Variants in CAMKK2 observed in about 807,000 individuals in gnomAD.
The protein encoded by CAMKK2 is calcium/calmodulin-dependent protein kinase kinase 2.
CAMKK2 carries 30 observed loss-of-function variants against 67.2 expected under a neutral mutation model. That is an observed-to-expected ratio of 0.45 (90% confidence interval 0.33 to 0.61). CAMKK2 has a LOEUF of 0.61. Ranked by LOEUF, CAMKK2 falls within the 20% of genes least tolerant of loss-of-function variation. CAMKK2 has a pLI of 0.02. For synonymous variants in CAMKK2, 322 were observed against 326.2 expected (o/e 0.99, Z 0.14); for missense variants, 643 against 802.0 (o/e 0.80, Z 2.39).
At chr12:121,297,472 A>T (rs1901499821), upstream of CAMKK2, 2 of 401,294 alleles carry the variant, frequency 5.0e-6, no homozygotes, top group African/African-American at 4.1e-5. Flanking sequence ...GCTTTTCCAG[A>T]TGGCTACTTA....
chr12:121,291,806 C>T (rs1764715521), intron 1 of CAMKK2, among the ~76,000 whole-genome samples: 1 of 152,132 alleles, frequency 6.6e-6, no homozygotes, highest in African/African-American at 2.4e-5. Flanking sequence ...GCCTGTAATC[C>T]CAGCACTTTG....
intron 1 of CAMKK2, among the ~76,000 whole-genome samples, chr12:121,289,804 A>C (rs371270838): frequency 2.0e-5 from 3 of 152,106 alleles, no homozygotes. Context: ...GAGGCACGAC[A>C]ATCGCCTGAA....
At chr12:121,264,043 C>A in intron 5 of CAMKK2, 104 bp from the exon 6 acceptor site, 3 of 1,176,748 alleles carry the variant, frequency 2.5e-6, no homozygotes, top group Non-Finnish European at 3.5e-6. Flanking sequence ...AAAAGCCACT[C>A]TGCAGGGCTG....
At chr12:121,244,713 A>C in intron 15 of CAMKK2, 98 bp from the exon 16 acceptor site, 3 of 966,916 alleles carry the variant, frequency 3.1e-6, no homozygotes, top group Non-Finnish European at 4.7e-6. Flanking sequence ...GACCCCAAAC[A>C]CCAGCTTCAT....
At chr12:121,290,252 T>C (rs1899730860) in intron 1 of CAMKK2, among the ~76,000 whole-genome samples, 1 of 152,222 alleles carries the variant, frequency 6.6e-6, no homozygotes, top group Non-Finnish European at 1.5e-5. Context: ...CTGGCAAAGC[T>C]ATCAGGACAG....
intron 1 of CAMKK2, among the ~76,000 whole-genome samples, chr12:121,289,765 T>C (rs1412115012): frequency 6.6e-6 from 1 of 152,018 alleles, no homozygotes; most frequent in Non-Finnish European, 1.5e-5. Context: ...TGATGGGACG[T>C]GCCTGTAATT....
Position 121,255,789 on chromosome 12 carries a change from T to C in CAMKK2, c.812A>G (p.Asn271Ser), listed in dbSNP as rs759727042. The C allele has an allele frequency of 6.8e-6, 11 of 1,613,990 alleles. No individual in the cohort carries two copies. The Admixed American group carries it at 8.3e-5, about 12-fold the overall frequency. ...DHLYMVFELV[N>S]QGPVMEVPTL... ...TGGGAGCTGGGACACTCACCCTTGG[T>C]TGACCAGTTCGAACACTGTAGGGAA... Residue 271 changes from asparagine to serine, a missense_variant, in exon 8 of 17, where the codon AAC (asparagine) becomes AGC (serine). Asn to Ser is a conservative substitution (Grantham distance 46, BLOSUM62 1). This residue lies in a region of CAMKK2 where 483 missense variants were observed against 625.8 expected (regional missense o/e 0.77). Transcript: ENST00000404169.
Position 121,240,984 on chromosome 12 carries a change from G to C in CAMKK2, c.1597-115C>G. The C allele has an allele frequency of 2.0e-6, 2 of 987,122 alleles. No homozygotes were observed. Among genetic ancestry groups the C allele is most frequent in the African/African-American group, 1.6e-5 (1 of 62,048 alleles). The allele number at this position is 987,122 out of a possible 1,614,324, so 61.1% of individuals were successfully genotyped here. On this transcript the variant is annotated intron_variant, in intron 16 of 16. Coordinates refer to ENST00000404169, the MANE Select transcript of CAMKK2 (RefSeq NM_001270485.2). This position sits in a 1 kb window ranked among gnomAD's most constrained non-coding sequence, Gnocchi z 4.4. The stretch of plus-strand genomic sequence containing the variant: ...CAAGTGGGCCGTCGCGCACCCCCTG[G>C]AACGTGATCTACGTAACCCAGTCTT...
rs760605898 is a variant in CAMKK2, at chr12:121,253,381, C to T, written c.999G>A (p.Val333=). The T allele has an allele frequency of 2.5e-6, 4 of 1,614,142 alleles. No individual in the cohort carries two copies. The highest frequency in any genetic ancestry group is 3.4e-6 in the Non-Finnish European group (4 of 1,180,020). ...CGTCACTGCCCTTGAATTCATTGCT[C>T]ACACCAAAGTCAGCGATCTTGATGT... ...DGHIKIADFG[V]SNEFKGSDAL... Residue 333 remains valine (V), a synonymous_variant, in exon 10 of 17, where the codon GTG becomes GTA. Transcript: ENST00000404169. This position sits in a 1 kb window ranked among gnomAD's most constrained non-coding sequence, Gnocchi z 5.0.
chr12:121,284,650 A>C (rs2136565680), intron 1 of CAMKK2, among the ~76,000 whole-genome samples: 1 of 152,296 alleles, frequency 6.6e-6, no homozygotes, highest in South Asian at 2.1e-4. Flanking sequence ...GGAAGGGGCC[A>C]ACAATTACAG....
At chr12:121,263,684 C>T in intron 6 of CAMKK2, 122 bp downstream of exon 6, 1 of 759,678 alleles carries the variant, frequency 1.3e-6, no homozygotes. Context: ...GCAGTAAATA[C>T]AACTCAGCCC....
At chr12:121,283,893 T>G (rs1898236380) in intron 1 of CAMKK2, among the ~76,000 whole-genome samples, 1 of 152,212 alleles carries the variant, frequency 6.6e-6, no homozygotes. Context: ...CAGATAAAAG[T>G]GCAAATTTAC....
chr12:121,296,724 T>C (rs1255862864), upstream of CAMKK2: 1 of 144,954 alleles, frequency 6.9e-6, no homozygotes, highest in East Asian at 2.0e-4. This position sits in a 1 kb window ranked among gnomAD's most constrained non-coding sequence, Gnocchi z 7.1. Flanking sequence ...GGCCGCGCGC[T>C]CCTCTCCTCC....
chr12:121,249,945 G>A lies in CAMKK2; in HGVS notation c.1235+16C>T, dbSNP rs200255629. 2.2e-5 allele frequency: 35 copies of A among 1,613,536 alleles called. No homozygotes were observed. In the African/African-American group the frequency reaches 2.3e-4, roughly 10 times the overall value. ...AACTCGGACAGGAGAGATGCGGGAC[G>A]GCGGGAGATACTCACTGGTCTGGAA... is the stretch of plus-strand genomic sequence containing the variant. On this transcript the variant is annotated intron_variant, in intron 12 of 16. Coordinates refer to ENST00000404169, the MANE Select transcript of CAMKK2 (RefSeq NM_001270485.2).
Position 121,245,180 on chromosome 12 carries a change from G to T in CAMKK2, c.1513C>A (p.Arg505=), listed in dbSNP as rs199796954. Residue 505 remains arginine, a synonymous_variant, in exon 15 of 17, where the codon CGG becomes AGG. Coordinates refer to ENST00000404169, the MANE Select transcript of CAMKK2 (RefSeq NM_001270485.2). This position sits in a 1 kb window ranked among gnomAD's most constrained non-coding sequence, Gnocchi z 5.8. ...GGCGCTGACAGTGAGCGTTCCTCCC[G>T]CCGGCTGCCCTCGAATGGGTTCCCA... is the stretch of plus-strand genomic sequence containing the variant. ...SFGNPFEGSR[R]EERSLSAPGN... 14 of 1,608,120 alleles carry T rather than the reference G, an allele frequency of 8.7e-6. No individual in the cohort carries two copies. The highest frequency in any genetic ancestry group is 2.2e-5 in the South Asian group (2 of 89,844).
At chr12:121,243,089 A>G (rs1888698950) in intron 16 of CAMKK2, among the ~76,000 whole-genome samples, 1 of 144,848 alleles carries the variant, frequency 6.9e-6, no homozygotes, top group Non-Finnish European at 1.5e-5. Flanking sequence ...GCTGGAGTGC[A>G]ATGACGTGAT....
chr12:121,249,570 G>A (rs1046079436), intron 13 of CAMKK2, among the ~76,000 whole-genome samples: 8 of 152,132 alleles, frequency 5.3e-5, no homozygotes, highest in South Asian at 2.1e-4. Context: ...GCAGGCTGGC[G>A]GGTCATAGAT....
At chr12:121,249,751 A>T (rs1213447408) in intron 13 of CAMKK2, 36 bp downstream of exon 13, 2 of 1,583,438 alleles carry the variant, frequency 1.3e-6, no homozygotes, top group East Asian at 2.2e-5. Context: ...GAGCCAAACA[A>T]TTCCGAGCAC....
chr12:121,243,377 T>C (rs547099246), intron 16 of CAMKK2, among the ~76,000 whole-genome samples: 53 of 150,982 alleles, frequency 3.5e-4, no homozygotes, highest in African/African-American at 1.2e-3. Flanking sequence ...TAACACTTTG[T>C]ACACAAATGT....
Sources: gnomAD v4.1 joint callset for allele counts (sites outside exome capture counted in the v4.1 genomes callset) on GRCh38, gnomAD v4.1.1 for gene constraint, gnomAD v4.1.1 regional missense constraint, Gnocchi (gnomAD v3.1) non-coding constraint, MANE v1.5 for transcripts, NCBI Gene and HGNC (gene_info 2026-07-23, HGNC 2026-07-21) for gene names.